Variants in SLCO1B3 observed in about 807,000 individuals in gnomAD.
SLCO1B3 encodes liver-specific organic anion transporter 2.
SLCO1B3 carries 72 observed loss-of-function variants against 71.8 expected under a neutral mutation model. That is an observed-to-expected ratio of 1.00 (90% CI 0.83 to 1.22). The LOEUF (loss-of-function observed/expected upper bound fraction) is 1.22, where lower values mean the gene tolerates loss of function less well. SLCO1B3 is among the 50% of genes most tolerant of loss of function. The pLI is 0.00. For synonymous variants in SLCO1B3, 298 were observed against 278.4 expected (o/e 1.07, Z -0.70); for missense variants, 911 against 819.7 (o/e 1.11, Z -1.36).
chr12:20,824,178 T>C (rs1864375822), intron 3 of SLCO1B3, among the ~76,000 whole-genome samples: 1 of 152,216 alleles, frequency 6.6e-6, no homozygotes, highest in African/African-American at 2.4e-5. Context: ...TTGTTAAAGC[T>C]GTAAATAGCT....
chr12:20,875,522 A>G (rs1259279354), intron 9 of SLCO1B3, 45 bp downstream of exon 9: 13 of 1,565,238 alleles, frequency 8.3e-6, no homozygotes, highest in Non-Finnish European at 1.1e-5. Flanking sequence ...GTTAATCTCA[A>G]TGAAACGGAG....
At chr12:20,819,814 C>G (rs1487578505) in intron 3 of SLCO1B3, among the ~76,000 whole-genome samples, 1 of 151,980 alleles carries the variant, frequency 6.6e-6, no homozygotes, top group Non-Finnish European at 1.5e-5. Flanking sequence ...GGTGCATGAT[C>G]GGTCACCAAG....
At chr12:20,838,413 A>G (rs894215811) in intron 3 of SLCO1B3, among the ~76,000 whole-genome samples, 4 of 152,016 alleles carry the variant, frequency 2.6e-5, no homozygotes, top group Admixed American at 6.6e-5. Context: ...GTCACCTTCT[A>G]TCTTTTAGTT....
At chr12:20,861,280 C>CATTAACAGTATGATTT in intron 6 of SLCO1B3, 142 bp downstream of exon 6, 1 of 707,078 alleles carries the variant, frequency 1.4e-6, no homozygotes, top group Non-Finnish European at 2.2e-6. Context: ...CAAAATCATA[C>CATTAACAGTATGATTT]TGTTAATGTA....
At chr12:20,875,180 A>T in intron 8 of SLCO1B3, 55 bp from the exon 9 acceptor site, 1 of 1,591,016 alleles carries the variant, frequency 6.3e-7, no homozygotes. Context: ...ATTTCCCAGA[A>T]CCTACTGTAT....
intron 8 of SLCO1B3, among the ~76,000 whole-genome samples, chr12:20,866,759 T>G (rs932423668): frequency 1.4e-4 from 21 of 152,058 alleles, no homozygotes; most frequent in African/African-American, 4.8e-4. Context: ...GTACACTTAT[T>G]AATGAGGAAG....
chr12:20,873,348 G>GTTT (rs1555157693), intron 8 of SLCO1B3, among the ~76,000 whole-genome samples: 7 of 151,506 alleles, frequency 4.6e-5, no homozygotes, highest in Admixed American at 2.0e-4. Flanking sequence ...AGATGTTGTT[G>GTTT]TTGTTTTTGT....
At chr12:20,832,219 A>G (rs1161392206) in intron 3 of SLCO1B3, among the ~76,000 whole-genome samples, 1 of 152,224 alleles carries the variant, frequency 6.6e-6, no homozygotes. Flanking sequence ...ATGTGCGCAC[A>G]CTAATACACG....
At chr12:20,862,681 ATTAC>A in intron 7 of SLCO1B3, 71 bp from the exon 8 acceptor site, 1 of 1,447,324 alleles carries the variant, frequency 6.9e-7, no homozygotes, top group Non-Finnish European at 9.5e-7. Flanking sequence ...ATTGTATAAT[ATTAC>A]TTTTAAAAGC....
chr12:20,912,363 T>C lies in SLCO1B3; in HGVS notation c.1866-3641T>C, dbSNP rs189333439. Among the ~76,000 whole-genome samples, 142 of 150,760 alleles carry C rather than the reference T, an allele frequency of 9.4e-4. 1 individual carries two copies. Among genetic ancestry groups the C allele is most frequent in the Non-Finnish European group, 1.5e-3 (104 of 67,762 alleles). On this transcript the variant is annotated intron_variant, in intron 15 of 15. Coordinates refer to ENST00000381545, the MANE Select transcript of SLCO1B3 (RefSeq NM_019844.4). Reference sequence around the variant, plus strand: ...TTTATTTATTTTGAGACCGTCTTGCTCTGTTACCAAGGCTGGAGTGCAGCA... The same window carrying C: ...TTTATTTATTTTGAGACCGTCTTGCCCTGTTACCAAGGCTGGAGTGCAGCA...
At position 20,874,606 on chromosome 12, in the gene SLCO1B3, A is replaced by G. The variant is rs77813898; in HGVS notation, c.728-629A>G. Among the ~76,000 whole-genome samples, 1,358 of 152,308 alleles carry G rather than the reference A, an allele frequency of 8.9e-3. 13 individuals carry two copies. Among genetic ancestry groups the G allele is most frequent in the African/African-American group, 0.031 (1,283 of 41,572 alleles). ...TAGCATTTACACATTACTCTTATAC[A>G]TACTTTAAGGGAAATATAGTTGAAA... On this transcript the variant is annotated intron_variant, in intron 8 of 15. Coordinates refer to ENST00000381545, the MANE Select transcript of SLCO1B3 (RefSeq NM_019844.4).
intron 3 of SLCO1B3, among the ~76,000 whole-genome samples, chr12:20,846,800 A>G (rs2121193835): frequency 7.7e-6 from 1 of 130,638 alleles, no homozygotes; most frequent in Admixed American, 8.7e-5. Flanking sequence ...AAACTGTAGA[A>G]GCTTAGAACT....
In SLCO1B3 at chr12:20,901,417, CA is replaced by C. The variant is rs1264429032; in HGVS notation, c.1816del (p.Ser606AlafsTer25). 1 of 1,584,866 alleles carries C rather than the reference CA, an allele frequency of 6.3e-7. No individual in the cohort carries two copies. The highest frequency in any genetic ancestry group is 8.5e-7 in the Non-Finnish European group (1 of 1,170,652). On this transcript the variant is annotated frameshift_variant, in exon 15 of 16. Transcript: ENST00000381545. LOFTEE classifies it high-confidence loss of function. ...DKTCMKWSTN[S>X]CGAQGACRIY... The stretch of plus-strand genomic sequence containing the variant: ...AAACATGTATGAAGTGGTCCACCAA[CA>C]GCTGTGGAGCACAAGGGGCTTGTAG...
At chr12:20,906,930 A>C (rs1470646677) in intron 15 of SLCO1B3, among the ~76,000 whole-genome samples, 1 of 152,162 alleles carries the variant, frequency 6.6e-6, no homozygotes, top group African/African-American at 2.4e-5. Context: ...CTATACTCCC[A>C]AAATACTGAA....
chr12:20,834,210 C>A (rs1183848729), intron 3 of SLCO1B3, among the ~76,000 whole-genome samples: 1 of 144,494 alleles, frequency 6.9e-6, no homozygotes, highest in Non-Finnish European at 1.5e-5. Flanking sequence ...TATATGTATT[C>A]ATATACATGG....
At chr12:20,907,127 G>A (rs941995252) in intron 15 of SLCO1B3, among the ~76,000 whole-genome samples, 21 of 152,126 alleles carry the variant, frequency 1.4e-4, no homozygotes, top group African/African-American at 4.6e-4. Context: ...TGAAAAATGT[G>A]TGCGGAATAT....
In SLCO1B3 at chr12:20,823,441, G is replaced by C. The variant is rs545558582; in HGVS notation, c.84+7619G>C. ...ATAAAAACTGATAAACCTTAGGCAA[G>C]ACTAGAATCAAACAACAGGTACTAT... On this transcript the variant is annotated intron_variant, in intron 3 of 15. Coordinates refer to ENST00000381545, the MANE Select transcript of SLCO1B3 (RefSeq NM_019844.4). Among the ~76,000 whole-genome samples the C allele has an allele frequency of 1.1e-3, 163 of 152,236 alleles. 2 individuals are homozygous for C. The highest frequency in any genetic ancestry group is 0.01 in the Middle Eastern group (3 of 294).
chr12:20,913,869 A>C (rs1037981917), intron 15 of SLCO1B3, among the ~76,000 whole-genome samples: 1 of 152,178 alleles, frequency 6.6e-6, no homozygotes, highest in African/African-American at 2.4e-5. Context: ...CTTCTGCCTC[A>C]GCCTCCCATG....
intron 3 of SLCO1B3, among the ~76,000 whole-genome samples, chr12:20,853,368 T>A (rs1028275836): frequency 6.6e-6 from 1 of 152,054 alleles, no homozygotes; most frequent in African/African-American, 2.4e-5. Flanking sequence ...GTTACTGGTT[T>A]TATCTTTTTT....
Sources: allele counts gnomAD v4.1 joint callset (sites outside exome capture counted in the v4.1 genomes callset), GRCh38; gene constraint gnomAD v4.1.1; transcripts MANE v1.5; gene names NCBI Gene and HGNC (gene_info 2026-07-23, HGNC 2026-07-21).